The following FCRL5 variants were observed in gnomAD, a reference collection of about 807,000 sequenced individuals.
The protein encoded by FCRL5 is Fc receptor-like protein 5.
In FCRL5, 79 loss-of-function variants were observed where a neutral mutation model predicts 92.1. The observed-to-expected ratio is 0.86, with a 90% CI of 0.72 to 1.03. The LOEUF (loss-of-function observed/expected upper bound fraction) is 1.03, where lower values mean the gene tolerates loss of function less well. Ranked by LOEUF, FCRL5 falls within the 50% of genes least tolerant of loss-of-function variation. The pLI, the probability that FCRL5 is intolerant of heterozygous loss-of-function variation, is 0.00. For missense variants in FCRL5, 1,160 were observed against 1,181.1 expected, an observed-to-expected ratio of 0.98 and a Z score of 0.26; for synonymous variants, 466 against 469.3, an observed-to-expected ratio of 0.99 and a Z score of 0.09.
In FCRL5 at chr1:157,543,023, C is replaced by T; in HGVS notation, c.959G>A (p.Arg320Lys). ...TQEDSLRTLY[R>K]FYHEGVPLRH... Reference sequence around the variant, plus strand: ...CAGGGGGACACCCTCATGATAAAACCTGTACAAAGTGCGCAGAGAATCTTC... The same window carrying T: ...CAGGGGGACACCCTCATGATAAAACTTGTACAAAGTGCGCAGAGAATCTTC... Residue 320 changes from arginine to lysine, a missense_variant, in exon 6 of 17, where the codon AGG becomes AAG. By Grantham distance (26) the Arg-to-Lys change is conservative. Transcript: ENST00000361835. 6.2e-7 allele frequency: 1 copy of T among 1,614,222 alleles called. No individual in the cohort carries two copies. The highest frequency in any genetic ancestry group is 8.5e-7 in the Non-Finnish European group (1 of 1,180,044).
intron 8 of FCRL5, 161 bp from the exon 9 acceptor site, chr1:157,528,056 A>T: frequency 1.3e-6 from 1 of 774,170 alleles, no homozygotes; most frequent in Non-Finnish European, 1.9e-6. Context: ...ATGATTGTAT[A>T]CCTAGGAAAC....
Position 157,543,120 on chromosome 1 carries a change from C to G in FCRL5, c.862G>C (p.Val288Leu), listed in dbSNP as rs759211282. ...GCCTTTTCAGGGCTGAGAGTGAGGA[C>G]AGGATGAGATGCAGGGACTGAGCAA... ...IQVQIPASHP[V>L]LTLSPEKALN... is the part of the protein sequence containing the mutation. Residue 288 changes from valine (V) to leucine (L), a missense_variant, in exon 6 of 17, where the codon GTC becomes CTC. Physicochemically the swap from Val to Leu is conservative, Grantham distance 32. Coordinates refer to ENST00000361835, the MANE Select transcript of FCRL5 (RefSeq NM_031281.3). The G allele has an allele frequency of 6.2e-7, 1 of 1,614,036 alleles. No homozygotes were observed. Among genetic ancestry groups the G allele is most frequent in the Admixed American group, 1.7e-5 (1 of 60,012 alleles).
chr1:157,535,943 G>GTTTTTTTTTTTTTTTTTTTTT (rs60191062), intron 7 of FCRL5, among the ~76,000 whole-genome samples: 7 of 90,008 alleles, frequency 7.8e-5, no homozygotes, highest in Admixed American at 1.6e-4. Context: ...ATGTGACTCA[G>GTTTTTTTTTTTTTTTTTTTTT]TTTTTTTTTT....
At chr1:157,517,773 C>T (rs74118652) in intron 15 of FCRL5, among the ~76,000 whole-genome samples, 4,735 of 152,244 alleles carry the variant, frequency 0.031, 223 homozygotes, top group African/African-American at 0.11. Context: ...GAAACTAGTA[C>T]AGGTAGGTAG....
Position 157,539,267 on chromosome 1 carries a change from T to C in FCRL5, c.1221A>G (p.Ser407=), listed in dbSNP as rs546608955. 6.2e-7 allele frequency: 1 copy of C among 1,614,034 alleles called. No homozygotes were observed. Among genetic ancestry groups the C allele is most frequent in the South Asian group, 1.1e-5 (1 of 91,078 alleles). Reference sequence around the variant, plus strand: ...GATGAAACTGGTACAGGATGGGGAGTGAACCTCTCTGGGCTTCACAGTGAA... The same window carrying C: ...GATGAAACTGGTACAGGATGGGGAGCGAACCTCTCTGGGCTTCACAGTGAA... ...VTLHCEAQRG[S]LPILYQFHHE... is the part of the protein sequence containing the mutation. The change falls in exon 7 of 17, where the codon TCA becomes TCG. Residue 407 remains serine, a synonymous_variant. Coordinates refer to ENST00000361835, the MANE Select transcript of FCRL5 (RefSeq NM_031281.3).
chr1:157,548,790 TG>T (rs1651675547), intron 2 of FCRL5, among the ~76,000 whole-genome samples: 1 of 152,104 alleles, frequency 6.6e-6, no homozygotes, highest in South Asian at 2.1e-4. Flanking sequence ...AAACAACAGG[TG>T]CTGGAGAGGA....
chr1:157,530,774 G>A (rs1429292489), intron 8 of FCRL5, among the ~76,000 whole-genome samples: 1 of 152,200 alleles, frequency 6.6e-6, no homozygotes, highest in Non-Finnish European at 1.5e-5. Context: ...TAAATGTCAA[G>A]TGATGCTGCA....
intron 9 of FCRL5, 56 bp downstream of exon 9, chr1:157,527,561 G>A (rs1188310677): frequency 1.3e-6 from 2 of 1,491,850 alleles, no homozygotes; most frequent in African/African-American, 2.8e-5. Context: ...TTGGCTACTG[G>A]TAAAGTTAGG....
Position 157,524,367 on chromosome 1 carries a change from CAGAG to C in FCRL5, c.2147_2150del (p.Ser716Ter). ...AGTAGATTCCAGAATGTTCTGTAGTCAGAGAGAGGTTGAAGGAGGCCCCTCCTCC... is the reference window on the plus strand; with the variant it reads ...AGTAGATTCCAGAATGTTCTGTAGTCAGAGGTTGAAGGAGGCCCCTCCTCC... On this transcript the variant is annotated frameshift_variant, in exon 10 of 17. Transcript: ENST00000361835. LOFTEE classifies it high-confidence loss of function. 6.2e-7 allele frequency: 1 copy of C among 1,614,242 alleles called. No individual in the cohort carries two copies. The highest frequency in any genetic ancestry group is 8.5e-7 in the Non-Finnish European group (1 of 1,180,040).
Position 157,535,943 on chromosome 1 carries a change from G to GTTTTTTTTTTTTTTTTTT in FCRL5, c.1403-1052_1403-1051insAAAAAAAAAAAAAAAAAA, listed in dbSNP as rs60191062. On this transcript the variant is annotated intron_variant, in intron 7 of 16. Transcript: ENST00000361835. ...GGCTAAATTCACTGGATGTGACTCA[G>GTTTTTTTTTTTTTTTTTT]TTTTTTTTTTTTTTTTGAGATGGAG... 7.0e-4 allele frequency among the ~76,000 whole-genome samples: 63 copies of GTTTTTTTTTTTTTTTTTT among 90,022 alleles called. 6 individuals are homozygous for GTTTTTTTTTTTTTTTTTT. Among genetic ancestry groups the GTTTTTTTTTTTTTTTTTT allele is most frequent in the East Asian group, 2.1e-3 (5 of 2,380 alleles). The allele number at this position is 90,022 out of a possible 152,430, so 59.1% of individuals were successfully genotyped here.
chr1:157,530,557 G>A (rs1039323879), intron 8 of FCRL5, among the ~76,000 whole-genome samples: 1 of 152,102 alleles, frequency 6.6e-6, no homozygotes, highest in African/African-American at 2.4e-5. Context: ...GTAGAGACAG[G>A]GTTTCTCCAT....
chr1:157,520,983 G>T, intron 11 of FCRL5, 34 bp downstream of exon 11: 1 of 1,569,332 alleles, frequency 6.4e-7, no homozygotes, highest in Non-Finnish European at 8.6e-7. Context: ...GAAACATTTT[G>T]TCCGCATCTG....
intron 8 of FCRL5, among the ~76,000 whole-genome samples, chr1:157,531,441 C>T (rs956014112): frequency 6.6e-6 from 1 of 152,224 alleles, no homozygotes; most frequent in East Asian, 1.9e-4. Flanking sequence ...ATAGAGCTAC[C>T]ATATTATCTA....
At chr1:157,531,442 A>T (rs1650693548) in intron 8 of FCRL5, among the ~76,000 whole-genome samples, 1 of 152,196 alleles carries the variant, frequency 6.6e-6, no homozygotes, top group Admixed American at 6.5e-5. Context: ...TAGAGCTACC[A>T]TATTATCTAT....
intron 5 of FCRL5, 55 bp from the exon 6 acceptor site, chr1:157,543,192 C>T: frequency 6.4e-7 from 1 of 1,553,360 alleles, no homozygotes; most frequent in South Asian, 1.2e-5. Flanking sequence ...CTGTAGATTA[C>T]AAGGCATGGC....
intron 7 of FCRL5, among the ~76,000 whole-genome samples, chr1:157,538,314 C>T (rs779667170): frequency 8.5e-5 from 13 of 152,120 alleles, no homozygotes; most frequent in South Asian, 2.1e-4. Flanking sequence ...AAACTGAGGC[C>T]GCTTCCGGGA....
At chr1:157,523,465 C>G (rs1191394304) in intron 10 of FCRL5, among the ~76,000 whole-genome samples, 1 of 152,148 alleles carries the variant, frequency 6.6e-6, no homozygotes, top group Non-Finnish European at 1.5e-5. Context: ...AGGTGCTTGG[C>G]CAATGTCATA....
At chr1:157,525,423 C>A (rs150785575) in intron 9 of FCRL5, among the ~76,000 whole-genome samples, 84 of 152,310 alleles carry the variant, frequency 5.5e-4, no homozygotes, top group African/African-American at 1.9e-3. Flanking sequence ...ATTCTGCAAA[C>A]TACCAAGAAA....
chr1:157,534,592 C>T (rs749155136), intron 8 of FCRL5, 22 bp downstream of exon 8: 5 of 1,613,990 alleles, frequency 3.1e-6, no homozygotes, highest in Non-Finnish European at 3.4e-6. Context: ...GGGTGGGTGA[C>T]TGGCAAGAAC....
Sources: allele counts gnomAD v4.1 joint callset (sites outside exome capture counted in the v4.1 genomes callset), GRCh38; gene constraint gnomAD v4.1.1; transcripts MANE v1.5; gene names NCBI Gene and HGNC (gene_info 2026-07-23, HGNC 2026-07-21).